Variants in NRG3 observed in about 807,000 individuals in gnomAD.
The protein encoded by NRG3 is neuregulin 3.
A neutral mutation model predicts 66.9 loss-of-function variants in NRG3; 31 were observed. That is an observed-to-expected ratio of 0.46 (90% CI 0.35 to 0.63). The LOEUF (loss-of-function observed/expected upper bound fraction) is 0.63, where lower values mean the gene tolerates loss of function less well. NRG3 is among the 20% of genes least tolerant of loss of function. The pLI is 0.00. For missense variants in NRG3, 910 were observed against 878.9 expected, an observed-to-expected ratio of 1.04 and a Z score of -0.45; for synonymous variants, 393 against 359.4, an observed-to-expected ratio of 1.09 and a Z score of -1.06.
At chr10:82,023,511 A>G (rs180971161) in intron 1 of NRG3, among the ~76,000 whole-genome samples, 3 of 152,058 alleles carry the variant, frequency 2.0e-5, no homozygotes, top group Admixed American at 6.6e-5. Flanking sequence ...AGTGGTCTTT[A>G]TTATTTTGAG....
intron 2 of NRG3, among the ~76,000 whole-genome samples, chr10:82,457,132 A>C (rs1049472735): frequency 6.6e-6 from 1 of 152,110 alleles, no homozygotes; most frequent in Admixed American, 6.6e-5. Flanking sequence ...CTAGATAATA[A>C]TTTTATGTTC....
intron 1 of NRG3, among the ~76,000 whole-genome samples, chr10:81,903,624 A>C (rs1484042933): frequency 2.0e-5 from 3 of 152,196 alleles, no homozygotes; most frequent in African/African-American, 7.2e-5. Flanking sequence ...TCAGCATTGC[A>C]TGGTTTCGAA....
At chr10:82,767,023 T>TTA (rs752348278) in intron 3 of NRG3, among the ~76,000 whole-genome samples, 274 of 148,278 alleles carry the variant, frequency 1.8e-3, no homozygotes, top group Middle Eastern at 0.018. Flanking sequence ...ATATAAATCC[T>TTA]TATATATATA....
intron 5 of NRG3, among the ~76,000 whole-genome samples, chr10:82,956,626 T>C (rs1408425902): frequency 6.6e-6 from 1 of 152,002 alleles, no homozygotes; most frequent in African/African-American, 2.4e-5. Context: ...AGACTCTGAA[T>C]TGGATTACTG....
At chr10:82,566,490 C>A (rs567427786) in intron 2 of NRG3, among the ~76,000 whole-genome samples, 1 of 151,514 alleles carries the variant, frequency 6.6e-6, no homozygotes, top group African/African-American at 2.4e-5. Flanking sequence ...GAAGGCATGG[C>A]CAAAGAATCC....
chr10:82,148,288 A>G (rs1434182948), intron 1 of NRG3, among the ~76,000 whole-genome samples: 1 of 152,150 alleles, frequency 6.6e-6, no homozygotes, highest in Admixed American at 6.5e-5. Flanking sequence ...GCTTGAGCCC[A>G]GGAGTTCAAG....
At chr10:82,401,270 TA>T (rs2087082904) in intron 2 of NRG3, among the ~76,000 whole-genome samples, 1 of 152,138 alleles carries the variant, frequency 6.6e-6, no homozygotes, top group Non-Finnish European at 1.5e-5. Context: ...ATATGCAATA[TA>T]AATCTATAAT....
intron 2 of NRG3, among the ~76,000 whole-genome samples, chr10:82,543,031 A>C (rs1271724997): frequency 6.6e-6 from 1 of 152,002 alleles, no homozygotes. Flanking sequence ...AGCTGGGATT[A>C]CAGGGACATG....
intron 2 of NRG3, among the ~76,000 whole-genome samples, chr10:82,586,595 G>A (rs371696019): frequency 1.3e-3 from 194 of 152,228 alleles, no homozygotes; most frequent in African/African-American, 4.2e-3. Context: ...TTGTTATAAT[G>A]AGTAAATGTG....
chr10:82,112,794 C>G (rs138879935), intron 1 of NRG3, among the ~76,000 whole-genome samples: 1 of 152,046 alleles, frequency 6.6e-6, no homozygotes, highest in African/African-American at 2.4e-5. Flanking sequence ...TTTGCCAGGT[C>G]GTGACCATGC....
At chr10:82,937,748 A>T (rs1848223400) in intron 4 of NRG3, among the ~76,000 whole-genome samples, 1 of 152,228 alleles carries the variant, frequency 6.6e-6, no homozygotes, top group Non-Finnish European at 1.5e-5. Flanking sequence ...GACTGTGATT[A>T]GCTGAAACTC....
chr10:81,881,544 T>C (rs539768138), intron 1 of NRG3, among the ~76,000 whole-genome samples: 3 of 152,322 alleles, frequency 2.0e-5, no homozygotes, highest in Admixed American at 6.5e-5. Context: ...GAACATAAGC[T>C]ATCATATACA....
rs117760740 is a variant in NRG3 at position 82,985,521 on chromosome 10, C to A, written c.2007C>A (p.Pro669=). 8.1e-6 allele frequency: 13 copies of A among 1,614,010 alleles called. No individual in the cohort carries two copies. In the Admixed American group the frequency reaches 1.7e-4, roughly 21 times the overall value. Residue 669 remains proline, a synonymous_variant, in exon 9 of 9, where the codon CCC becomes CCA. Coordinates refer to ENST00000372141, the MANE Select transcript of NRG3 (RefSeq NM_001010848.4). ...CAAGCGAAAACACAGCCTTTCTCCCCCTGAGTCCCACAGCCAAATCAGAAC... is the reference window on the plus strand; with the variant it reads ...CAAGCGAAAACACAGCCTTTCTCCCACTGAGTCCCACAGCCAAATCAGAAC... The part of the protein sequence containing the change: ...DSASENTAFL[P]LSPTAKSERE...
chr10:82,012,876 A>G (rs983619407), intron 1 of NRG3, among the ~76,000 whole-genome samples: 13 of 152,190 alleles, frequency 8.5e-5, no homozygotes, highest in African/African-American at 3.1e-4. Context: ...CACTGTCAGC[A>G]TTTTGGTCAA....
At chr10:82,495,088 G>A (rs571389640) in intron 2 of NRG3, among the ~76,000 whole-genome samples, 10 of 151,822 alleles carry the variant, frequency 6.6e-5, no homozygotes, top group African/African-American at 1.7e-4. Flanking sequence ...TTACAGGTGC[G>A]GGCCACCACA....
chr10:82,745,785 T>C (rs895394583), intron 3 of NRG3, among the ~76,000 whole-genome samples: 1 of 152,146 alleles, frequency 6.6e-6, no homozygotes, highest in Non-Finnish European at 1.5e-5. Flanking sequence ...AAAGGAAAAA[T>C]TTCCTATGGG....
At chr10:82,103,153 T>C (rs2066864879) in intron 1 of NRG3, among the ~76,000 whole-genome samples, 1 of 152,182 alleles carries the variant, frequency 6.6e-6, no homozygotes, top group Non-Finnish European at 1.5e-5. Context: ...TTTAAGTATA[T>C]TGTTTTATGA....
intron 1 of NRG3, among the ~76,000 whole-genome samples, chr10:82,042,335 C>A (rs2063082374): frequency 6.6e-6 from 1 of 151,872 alleles, no homozygotes; most frequent in Non-Finnish European, 1.5e-5. Flanking sequence ...TCACATTTAT[C>A]TTTATTTTTT....
chr10:82,123,965 A>T (rs1337430673), intron 1 of NRG3, among the ~76,000 whole-genome samples: 2 of 151,700 alleles, frequency 1.3e-5, no homozygotes, highest in Admixed American at 6.6e-5. Context: ...CGCTATTCTC[A>T]CCCCCTTCAA....
Sources: allele counts gnomAD v4.1 joint callset (sites outside exome capture counted in the v4.1 genomes callset), GRCh38; gene constraint gnomAD v4.1.1; transcripts MANE v1.5; gene names NCBI Gene and HGNC (gene_info 2026-07-23, HGNC 2026-07-21).